The following SPACA7 variants were observed in gnomAD, a reference collection of about 807,000 sequenced individuals.
The protein encoded by SPACA7 is sperm acrosome-associated protein 7.
A neutral mutation model predicts 26.3 loss-of-function variants in SPACA7; 19 were observed. The observed-to-expected ratio is 0.72, with a 90% CI of 0.50 to 1.06. The LOEUF is 1.06. Ranked by LOEUF, SPACA7 falls within the 50% of genes least tolerant of loss-of-function variation. The pLI is 0.00. For synonymous variants in SPACA7, 84 were observed against 84.5 expected (o/e 0.99, Z 0.04); for missense variants, 211 against 229.9 (o/e 0.92, Z 0.53).
intron 5 of SPACA7, among the ~76,000 whole-genome samples, chr13:112,420,336 T>C (rs893026152): frequency 4.6e-5 from 7 of 152,094 alleles, no homozygotes; most frequent in African/African-American, 1.2e-4. Context: ...GTGGAAAATA[T>C]GTATTAAAAG....
At chr13:112,430,174 C>CTGTGTGTGTGTGTGTGTGTGTG (rs61438595) in intron 5 of SPACA7, among the ~76,000 whole-genome samples, 10 of 134,314 alleles carry the variant, frequency 7.4e-5, no homozygotes, top group South Asian at 5.0e-4. Context: ...ATCTCTCTCT[C>CTGTGTGTGTGTGTGTGTGTGTG]TGTGTGTGTG....
At position 112,434,538 on chromosome 13, in the gene SPACA7, G is replaced by A; in HGVS notation, c.577G>A (p.Gly193Ser). 6.2e-7 allele frequency: 1 copy of A among 1,608,304 alleles called. No homozygotes were observed. The highest frequency in any genetic ancestry group is 8.5e-7 in the Non-Finnish European group (1 of 1,177,862). Residue 193 changes from glycine to serine, a missense_variant, in exon 7 of 7, where the codon GGC (glycine) becomes AGC (serine). By Grantham distance (56) the Gly-to-Ser change is moderately conservative. Transcript: ENST00000283550. ...QRTSAQRRSQ[G>S]SQ ...GACCAGCGCACAGAGGAGGAGCCAAGGCAGTCAGTGAGGCCGCAGCCCCAG... is the reference window on the plus strand; with the variant it reads ...GACCAGCGCACAGAGGAGGAGCCAAAGCAGTCAGTGAGGCCGCAGCCCCAG...
In SPACA7 at chr13:112,416,384, T is replaced by C. The variant is rs543034514; in HGVS notation, c.445+15220T>C. On this transcript the variant is annotated intron_variant, in intron 5 of 6. Transcript: ENST00000283550. ...TTACTGCAACCTATACCTCCTGGGT[T>C]CAGGAGATTCCCCTGCCTCAGCCTC... is the stretch of plus-strand genomic sequence containing the variant. 3.3e-5 allele frequency among the ~76,000 whole-genome samples: 5 copies of C among 152,144 alleles called. No homozygotes were observed. In the East Asian group the frequency reaches 7.8e-4, roughly 24 times the overall value.
intron 1 of SPACA7, among the ~76,000 whole-genome samples, chr13:112,383,540 A>AGAAT (rs1242050661): frequency 6.6e-6 from 1 of 152,260 alleles, no homozygotes; most frequent in Non-Finnish European, 1.5e-5. Flanking sequence ...TGTTCCATGA[A>AGAAT]GAATTTTAGA....
In SPACA7 at chr13:112,398,138, C is replaced by T. The variant is rs149389666; in HGVS notation, c.241C>T (p.His81Tyr). ...AGCATCAACATTATCAACACCGTTA[C>T]GTAAGGAGAAAAGCAAGCACACCCC... is the stretch of plus-strand genomic sequence containing the variant. ...STASTLSTPLHAGIDENYQAG... is the reference protein window; with the variant it reads ...STASTLSTPLYAGIDENYQAG... The change falls in exon 3 of 7, where the codon CAT becomes TAT. Residue 81 changes from histidine to tyrosine, a missense_variant and splice_region_variant. By Grantham distance (83) the His-to-Tyr change is moderately conservative. Coordinates refer to ENST00000283550, the MANE Select transcript of SPACA7 (RefSeq NM_145248.5). 21 of 1,612,054 alleles carry T rather than the reference C, an allele frequency of 1.3e-5. No homozygotes were observed. Among genetic ancestry groups the T allele is most frequent in the South Asian group, 5.5e-5 (5 of 91,030 alleles).
chr13:112,397,798 G>T lies in SPACA7; in HGVS notation c.152-251G>T, dbSNP rs574451909. On this transcript the variant is annotated intron_variant, in intron 2 of 6. Coordinates refer to ENST00000283550, the MANE Select transcript of SPACA7 (RefSeq NM_145248.5). ...AAGCGTCCAGCCTTGTACCTTTGGGGGGCAATGTTCAGTGTCCAAAATGTC... is the reference window on the plus strand; with the variant it reads ...AAGCGTCCAGCCTTGTACCTTTGGGTGGCAATGTTCAGTGTCCAAAATGTC... Among the ~76,000 whole-genome samples the T allele has an allele frequency of 2.6e-5, 4 of 152,320 alleles. No individual in the cohort carries two copies. In the South Asian group the frequency reaches 8.3e-4, roughly 32 times the overall value.
In SPACA7 at chr13:112,388,073, T is replaced by C. The variant is rs563148981; in HGVS notation, c.95-4948T>C. On this transcript the variant is annotated intron_variant, in intron 1 of 6. Coordinates refer to ENST00000283550, the MANE Select transcript of SPACA7 (RefSeq NM_145248.5). ...ATGTGACCAGACAAATAAGGAGGGT[T>C]CTGAGTTAGGCCTGCTGGACTTCCA... is the stretch of plus-strand genomic sequence containing the variant. Among the ~76,000 whole-genome samples, 206 of 152,290 alleles carry C rather than the reference T, an allele frequency of 1.4e-3. 1 individual carries two copies. The highest frequency in any genetic ancestry group is 4.8e-3 in the African/African-American group (199 of 41,552).
At chr13:112,425,250 G>A (rs2139061502) in intron 5 of SPACA7, among the ~76,000 whole-genome samples, 1 of 152,228 alleles carries the variant, frequency 6.6e-6, no homozygotes, top group South Asian at 2.1e-4. Context: ...TGAGTCAGAG[G>A]GCATGAGTTG....
intron 5 of SPACA7, among the ~76,000 whole-genome samples, chr13:112,407,492 G>T (rs1385429825): frequency 6.6e-6 from 1 of 152,080 alleles, no homozygotes; most frequent in Non-Finnish European, 1.5e-5. Flanking sequence ...AAGAAGAAAA[G>T]AGAGAAGAAT....
At chr13:112,403,389 G>A (rs1885768867) in intron 5 of SPACA7, among the ~76,000 whole-genome samples, 1 of 151,998 alleles carries the variant, frequency 6.6e-6, no homozygotes, top group African/African-American at 2.4e-5. Flanking sequence ...GTAAGCCAGT[G>A]ATCTGTCTGG....
At chr13:112,385,651 G>C (rs1884477583) in intron 1 of SPACA7, among the ~76,000 whole-genome samples, 2 of 152,064 alleles carry the variant, frequency 1.3e-5, no homozygotes, top group Admixed American at 1.3e-4. Context: ...TCTGATATTT[G>C]ACCTTAATTT....
chr13:112,389,939 C>T (rs1476144946), intron 1 of SPACA7, among the ~76,000 whole-genome samples: 1 of 152,216 alleles, frequency 6.6e-6, no homozygotes, highest in Non-Finnish European at 1.5e-5. Flanking sequence ...TTTAATCTCA[C>T]AGAGGCTGTG....
At position 112,397,673 on chromosome 13, in the gene SPACA7, A is replaced by T. The variant is rs1392595546; in HGVS notation, c.152-376A>T. Among the ~76,000 whole-genome samples the T allele has an allele frequency of 2.0e-5, 3 of 152,156 alleles. No homozygotes were observed. The East Asian group carries it at 5.8e-4, about 29-fold the overall frequency. On this transcript the variant is annotated intron_variant, in intron 2 of 6. Transcript: ENST00000283550. ...CGGCTGTGTTGACACAGAGATCAGGAGCGACGCTCACTCACACACGGAGGG... is the reference window on the plus strand; with the variant it reads ...CGGCTGTGTTGACACAGAGATCAGGTGCGACGCTCACTCACACACGGAGGG...
chr13:112,382,357 CA>C, intron 1 of SPACA7: 1 of 1,467,172 alleles, frequency 6.8e-7, no homozygotes. Context: ...CTCAGCCTCC[CA>C]AAGTGCTGGG....
chr13:112,434,445 C>A, intron 6 of SPACA7, 40 bp from the exon 7 acceptor site: 1 of 1,555,982 alleles, frequency 6.4e-7, no homozygotes, highest in East Asian at 2.3e-5. Context: ...CTCCCTCATA[C>A]CACACACTGC....
chr13:112,422,317 A>AAGTAAAAG (rs1876066826), intron 5 of SPACA7, among the ~76,000 whole-genome samples: 1 of 152,208 alleles, frequency 6.6e-6, no homozygotes, highest in South Asian at 2.1e-4. Context: ...ATAGAAATGA[A>AAGTAAAAG]AGTAAAAGCA....
intron 1 of SPACA7, among the ~76,000 whole-genome samples, chr13:112,377,622 G>T (rs373034888): frequency 3.3e-5 from 5 of 152,164 alleles, no homozygotes; most frequent in South Asian, 2.1e-4. Context: ...AGACTTCACA[G>T]GATTCCTACT....
At chr13:112,387,461 A>C (rs1407455242) in intron 1 of SPACA7, among the ~76,000 whole-genome samples, 1 of 152,218 alleles carries the variant, frequency 6.6e-6, no homozygotes, top group Non-Finnish European at 1.5e-5. Flanking sequence ...ACAGAAAGAC[A>C]AATTCTTAGC....
intron 5 of SPACA7, among the ~76,000 whole-genome samples, chr13:112,403,833 A>C (rs1275442605): frequency 6.6e-6 from 1 of 152,162 alleles, no homozygotes; most frequent in African/African-American, 2.4e-5. Context: ...ATTTATGGGC[A>C]TTTGGGCTGA....
Sources: allele counts gnomAD v4.1 joint callset (sites outside exome capture counted in the v4.1 genomes callset), GRCh38; gene constraint gnomAD v4.1.1; transcripts MANE v1.5; gene names NCBI Gene and HGNC (gene_info 2026-07-23, HGNC 2026-07-21).